Variants in RPN1 observed in about 807,000 individuals in gnomAD.
RPN1 encodes ribophorin I.
In RPN1, 12 loss-of-function variants were observed where a neutral mutation model predicts 55.5. The ratio of observed to expected loss-of-function variants is 0.22; its 90% CI spans 0.14 to 0.35. RPN1 has a LOEUF of 0.35. Among genes scored for constraint, RPN1 ranks in the 10% least tolerant of loss-of-function variants. The probability of loss-of-function intolerance (pLI) is 1.00; values close to 1 mark genes in which losing one functional copy is unlikely to be tolerated. For missense variants in RPN1, 679 were observed against 761.3 expected (o/e 0.89, Z 1.27); for synonymous variants, 317 against 305.9 (o/e 1.04, Z -0.38).
In RPN1 at chr3:128,625,943, G is replaced by A. The variant is rs1126828; in HGVS notation, c.1206C>T (p.Asp402=). The change falls in exon 7 of 10, where the codon GAC becomes GAT. Residue 402 remains aspartate (D), a synonymous_variant. Coordinates refer to ENST00000296255, the MANE Select transcript of RPN1 (RefSeq NM_002950.4). ...CAACAATCACAGGGCGGCCAAATGT[G>A]TCCAGATAGGTGTAGTGCAGCTCAT... ...APDELHYTYL[D]TFGRPVIVAY... The A allele has an allele frequency of 0.23, 367,960 of 1,612,986 alleles. 43,383 individuals are homozygous for A. The highest frequency in any genetic ancestry group is 0.4 in the East Asian group (18,008 of 44,852).
intron 2 of RPN1, among the ~76,000 whole-genome samples, chr3:128,638,810 A>T (rs1370093644): frequency 6.6e-6 from 1 of 152,188 alleles, no homozygotes; most frequent in Non-Finnish European, 1.5e-5. Flanking sequence ...TATTAAAAAT[A>T]CAAAAATTAG....
chr3:128,643,103 G>T (rs2069739604), intron 2 of RPN1, among the ~76,000 whole-genome samples: 1 of 151,890 alleles, frequency 6.6e-6, no homozygotes, highest in Admixed American at 6.6e-5. Flanking sequence ...AAGACGGGCA[G>T]ATCACCTGAG....
At chr3:128,621,872 C>T (rs1328954636) in intron 9 of RPN1, among the ~76,000 whole-genome samples, 1 of 152,136 alleles carries the variant, frequency 6.6e-6, no homozygotes, top group Non-Finnish European at 1.5e-5. Flanking sequence ...CAGCCTGGGA[C>T]CTAGAACAGT....
At chr3:128,625,503 A>G in intron 8 of RPN1, 31 bp downstream of exon 8, 1 of 1,613,940 alleles carries the variant, frequency 6.2e-7, no homozygotes, top group Admixed American at 1.7e-5. Flanking sequence ...AAGGACACAA[A>G]TGACAAGCAG....
chr3:128,636,745 C>G (rs1031270490), intron 3 of RPN1, among the ~76,000 whole-genome samples: 2 of 152,128 alleles, frequency 1.3e-5, no homozygotes, highest in African/African-American at 2.4e-5. Flanking sequence ...AATGAGGTCT[C>G]ACTATGTTGC....
chr3:128,640,176 A>T (rs1174569345), intron 2 of RPN1, among the ~76,000 whole-genome samples: 2 of 152,128 alleles, frequency 1.3e-5, no homozygotes, highest in Admixed American at 6.6e-5. Context: ...CATCTCAAAA[A>T]AGGAAAAAAA....
chr3:128,638,440 C>G (rs1053523695), intron 2 of RPN1, among the ~76,000 whole-genome samples: 16 of 152,152 alleles, frequency 1.1e-4, no homozygotes, highest in African/African-American at 3.9e-4. Context: ...ATAAACAGCC[C>G]TGAGAGAAAC....
At chr3:128,641,609 CTTTTTTT>C (rs200507415) in intron 2 of RPN1, among the ~76,000 whole-genome samples, 2 of 120,400 alleles carry the variant, frequency 1.7e-5, no homozygotes, top group South Asian at 2.7e-4. Context: ...TTTAGTGAAT[CTTTTTTT>C]TTTTTTTTTT....
Position 128,625,658 on chromosome 3 carries a change from G to A in RPN1, c.1276-5C>T. 1.2e-6 allele frequency: 2 copies of A among 1,613,976 alleles called. No homozygotes were observed. The highest frequency in any genetic ancestry group is 2.7e-5 in the African/African-American group (2 of 75,016). On this transcript the variant is annotated splice_region_variant and splice_polypyrimidine_tract_variant and intron_variant, in intron 7 of 9. Transcript: ENST00000296255. ...CTTGTTGAACGTGTAGTGGACCTGG[G>A]AGAAGCAAGAGGACAGGCTTCATCG... is the stretch of plus-strand genomic sequence containing the variant.
chr3:128,628,377 G>T (rs537816767), intron 5 of RPN1, among the ~76,000 whole-genome samples: 4 of 151,186 alleles, frequency 2.6e-5, no homozygotes, highest in African/African-American at 9.7e-5. Flanking sequence ...AGGAATTAAG[G>T]CTAATTAAGA....
At chr3:128,643,524 C>A (rs559558864) in intron 2 of RPN1, among the ~76,000 whole-genome samples, 1 of 151,702 alleles carries the variant, frequency 6.6e-6, no homozygotes, top group Admixed American at 6.6e-5. Context: ...TTGTGGGGCA[C>A]GGTGGCTCAC....
At chr3:128,638,160 T>A in intron 2 of RPN1, 55 bp from the exon 3 acceptor site, 1 of 1,350,560 alleles carries the variant, frequency 7.4e-7, no homozygotes, top group Non-Finnish European at 1.0e-6. Context: ...CTGAAAACAG[T>A]AGTAGCAGTT....
intron 4 of RPN1, among the ~76,000 whole-genome samples, chr3:128,630,551 A>G (rs1487439037): frequency 6.6e-6 from 1 of 152,204 alleles, no homozygotes; most frequent in Non-Finnish European, 1.5e-5. Context: ...TGTATCTTCC[A>G]AATCTGTCAG....
In RPN1 at chr3:128,650,794, C is replaced by T. The variant is rs1266031477; in HGVS notation, c.7G>A (p.Ala3Thr). The T allele has an allele frequency of 2.0e-6, 3 of 1,531,000 alleles. No homozygotes were observed. Among genetic ancestry groups the T allele is most frequent in the African/African-American group, 1.4e-5 (1 of 72,528 alleles). 94.8% of individuals were successfully genotyped at this position (1,531,000 alleles called of 1,614,324 possible). The change falls in exon 1 of 10, where the codon GCG becomes ACG. Residue 3 changes from alanine (A) to threonine (T), a missense_variant. Ala to Thr is a moderately conservative substitution (Grantham distance 58). Transcript: ENST00000296255. ...AGCAGAAACAAGCCGGCGGCTGGCGCCTCCATGACCGGGAAGAGCAGTGCG... is the reference window on the plus strand; with the variant it reads ...AGCAGAAACAAGCCGGCGGCTGGCGTCTCCATGACCGGGAAGAGCAGTGCG... ME[A>T]PAAGLFLLLL...
At position 128,644,941 on chromosome 3, in the gene RPN1, C is replaced by T. The variant is rs1157120868; in HGVS notation, c.304G>A (p.Glu102Lys). ...DEEENNLEVR[E>K]TKIKGKSGRF... ...TACCTTTTACCCTTAATTTTGGTTTCACGTACTTCCAAATTGTTCTCTTCC... is the reference window on the plus strand; with the variant it reads ...TACCTTTTACCCTTAATTTTGGTTTTACGTACTTCCAAATTGTTCTCTTCC... The change falls in exon 2 of 10, where the codon GAA (glutamate) becomes AAA (lysine). Residue 102 changes from glutamate to lysine, a missense_variant. Glu to Lys is a moderately conservative substitution (Grantham distance 56). This residue lies in a region of RPN1 where 352 missense variants were observed against 352.8 expected (regional missense o/e 1.00). Coordinates refer to ENST00000296255, the MANE Select transcript of RPN1 (RefSeq NM_002950.4). 1 of 1,574,620 alleles carries T rather than the reference C, an allele frequency of 6.4e-7. No individual in the cohort carries two copies. Among genetic ancestry groups the T allele is most frequent in the Non-Finnish European group, 8.7e-7 (1 of 1,144,236 alleles).
At chr3:128,641,687 G>A (rs1481295715) in intron 2 of RPN1, among the ~76,000 whole-genome samples, 6 of 145,236 alleles carry the variant, frequency 4.1e-5, no homozygotes, top group Admixed American at 7.3e-5. Flanking sequence ...TCGGCTCACC[G>A]GAACCTCTGC....
At chr3:128,650,223 C>A (rs1026738625) in intron 1 of RPN1, among the ~76,000 whole-genome samples, 1 of 152,208 alleles carries the variant, frequency 6.6e-6, no homozygotes, top group Non-Finnish European at 1.5e-5. Flanking sequence ...CAAACAGGGG[C>A]AAGCTCCGAG....
chr3:128,623,571 T>C (rs577817188), intron 8 of RPN1, among the ~76,000 whole-genome samples: 1 of 151,734 alleles, frequency 6.6e-6, no homozygotes, highest in Admixed American at 6.6e-5. Flanking sequence ...TAGCTGGGCA[T>C]GATGGTATGC....
chr3:128,630,251 A>C, intron 4 of RPN1, 108 bp from the exon 5 acceptor site: 1 of 624,044 alleles, frequency 1.6e-6, no homozygotes, highest in Non-Finnish European at 2.6e-6. Context: ...GGTACTACTT[A>C]ATTAAAATAG....
Sources: gnomAD v4.1 joint callset for allele counts (sites outside exome capture counted in the v4.1 genomes callset) on GRCh38, gnomAD v4.1.1 for gene constraint, gnomAD v4.1.1 regional missense constraint, MANE v1.5 for transcripts, NCBI Gene and HGNC (gene_info 2026-07-23, HGNC 2026-07-21) for gene names.